The following EML4 variants were observed in gnomAD, a reference collection of about 807,000 sequenced individuals.
EML4 encodes EMAP like 4, also known as echinoderm microtubule-associated protein-like 4.
EML4 carries 72 observed loss-of-function variants against 129.0 expected under a neutral mutation model. That is an observed-to-expected ratio of 0.56 (90% CI 0.46 to 0.68). The LOEUF (loss-of-function observed/expected upper bound fraction) is 0.68, where lower values mean the gene tolerates loss of function less well. EML4 is among the 30% of genes least tolerant of loss of function. The probability of loss-of-function intolerance (pLI) is 0.00; values close to 1 mark genes in which losing one functional copy is unlikely to be tolerated. For missense variants in EML4, 1,363 were observed against 1,190.6 expected (o/e 1.14, Z -2.13); for synonymous variants, 532 against 405.0 (o/e 1.31, Z -3.77).
intron 1 of EML4, among the ~76,000 whole-genome samples, chr2:42,188,106 T>C (rs1356174485): frequency 6.6e-6 from 1 of 152,222 alleles, no homozygotes; most frequent in African/African-American, 2.4e-5. Flanking sequence ...TCCATTGAAT[T>C]ACCTTGGCAC....
rs1413496602 is a variant in EML4 at position 42,239,177 on chromosome 2, A to G, written c.26-6328A>G. Among the ~76,000 whole-genome samples the G allele has an allele frequency of 5.9e-5, 9 of 152,232 alleles. 1 individual carries two copies. Among genetic ancestry groups the G allele is most frequent in the Non-Finnish European group, 1.3e-4 (9 of 68,046 alleles). On this transcript the variant is annotated intron_variant, in intron 1 of 22. Transcript: ENST00000318522. ...TGAGTCACCAAGAAGTGGTTACATT[A>G]TGATGGTGTGCCCCCACTAAGAAAA... is the stretch of plus-strand genomic sequence containing the variant.
At chr2:42,236,634 GA>G (rs1674690714) in intron 1 of EML4, among the ~76,000 whole-genome samples, 1 of 152,166 alleles carries the variant, frequency 6.6e-6, no homozygotes, top group South Asian at 2.1e-4. Context: ...CCCCTTTACA[GA>G]AAAGTTTGTT....
intron 16 of EML4, among the ~76,000 whole-genome samples, chr2:42,304,261 G>A (rs1014459681): frequency 2.0e-5 from 3 of 152,050 alleles, no homozygotes; most frequent in Non-Finnish European, 4.4e-5. Flanking sequence ...CCACTCCCTA[G>A]CCACAAGCTG....
intron 6 of EML4, among the ~76,000 whole-genome samples, chr2:42,272,094 A>C (rs996125906): frequency 2.6e-5 from 4 of 151,962 alleles, no homozygotes; most frequent in African/African-American, 4.8e-5. Flanking sequence ...AAAAAAAAAA[A>C]AACCCTGTCC....
Position 42,235,716 on chromosome 2 carries a change from G to A in EML4, c.26-9789G>A, listed in dbSNP as rs555056053. Among the ~76,000 whole-genome samples the A allele has an allele frequency of 2.6e-5, 4 of 151,836 alleles. No homozygotes were observed. In the East Asian group the frequency reaches 5.8e-4, roughly 22 times the overall value. On this transcript the variant is annotated intron_variant, in intron 1 of 22. Coordinates refer to ENST00000318522, the MANE Select transcript of EML4 (RefSeq NM_019063.5). ...TATCATGTAACTTTTTGAAATGAAG[G>A]ACTGTTTTTTTCCTTAGGTTTGTAG...
At chr2:42,172,436 T>G (rs544867194) in intron 1 of EML4, among the ~76,000 whole-genome samples, 12 of 152,332 alleles carry the variant, frequency 7.9e-5, no homozygotes, top group African/African-American at 2.6e-4. Context: ...GATAAGTGAT[T>G]GGCCATTTTA....
At chr2:42,283,635 T>C (rs1357172653) in intron 8 of EML4, among the ~76,000 whole-genome samples, 2 of 152,156 alleles carry the variant, frequency 1.3e-5, no homozygotes, top group Non-Finnish European at 2.9e-5. Context: ...TGTATCTTTA[T>C]CCAGAAAAAA....
intron 1 of EML4, among the ~76,000 whole-genome samples, chr2:42,201,105 G>A (rs964407561): frequency 6.6e-6 from 1 of 152,276 alleles, no homozygotes; most frequent in East Asian, 1.9e-4. Flanking sequence ...AATTTCTGAA[G>A]ATTTTGTCAA....
At chr2:42,241,104 G>A (rs920264705) in intron 1 of EML4, among the ~76,000 whole-genome samples, 1 of 152,066 alleles carries the variant, frequency 6.6e-6, no homozygotes, top group Admixed American at 6.5e-5. Flanking sequence ...GGAGGTTGCA[G>A]TGAGATTGCA....
chr2:42,311,658 G>T (rs951926414), intron 17 of EML4, among the ~76,000 whole-genome samples: 1 of 152,184 alleles, frequency 6.6e-6, no homozygotes, highest in African/African-American at 2.4e-5. Flanking sequence ...TGGTGTGTCA[G>T]TTCAGTCTGA....
intron 1 of EML4, among the ~76,000 whole-genome samples, chr2:42,197,040 A>G (rs1448126033): frequency 6.6e-6 from 1 of 152,162 alleles, no homozygotes; most frequent in African/African-American, 2.4e-5. Context: ...CTAGGAATCA[A>G]AGTAAATGTT....
chr2:42,174,533 G>A (rs1334185071), intron 1 of EML4, among the ~76,000 whole-genome samples: 8 of 151,954 alleles, frequency 5.3e-5, no homozygotes, highest in Admixed American at 5.2e-4. Context: ...TCGGGTGATG[G>A]CCACGCACCT....
intron 13 of EML4, among the ~76,000 whole-genome samples, chr2:42,299,250 C>T (rs1668136895): frequency 6.6e-6 from 1 of 152,172 alleles, no homozygotes; most frequent in African/African-American, 2.4e-5. Context: ...ATTTGTACCA[C>T]TAGCATACTC....
chr2:42,233,501 G>A (rs901713735), intron 1 of EML4, among the ~76,000 whole-genome samples: 2 of 151,650 alleles, frequency 1.3e-5, no homozygotes, highest in African/African-American at 4.8e-5. Context: ...TAGAGACGGG[G>A]TTTCACCATG....
intron 1 of EML4, among the ~76,000 whole-genome samples, chr2:42,240,233 ATT>A (rs3038373): frequency 0.029 from 4,385 of 152,312 alleles, 92 homozygotes; most frequent in Non-Finnish European, 0.041. Flanking sequence ...GAAGCAATGC[ATT>A]TTACCTTAAA....
intron 4 of EML4, among the ~76,000 whole-genome samples, chr2:42,261,970 A>G (rs1665766088): frequency 6.6e-6 from 1 of 152,164 alleles, no homozygotes; most frequent in African/African-American, 2.4e-5. Flanking sequence ...GTACAGTGCT[A>G]CAGCTGCCTC....
chr2:42,234,473 C>G (rs1245526597), intron 1 of EML4, among the ~76,000 whole-genome samples: 2 of 152,152 alleles, frequency 1.3e-5, no homozygotes, highest in Non-Finnish European at 2.9e-5. Flanking sequence ...TAAACTATCT[C>G]TCCATTCCTG....
intron 1 of EML4, among the ~76,000 whole-genome samples, chr2:42,245,085 A>ATTTCTT (rs1558535322): frequency 2.4e-5 from 1 of 42,148 alleles, no homozygotes; most frequent in Non-Finnish European, 4.3e-5. Context: ...TTGTTTTGAA[A>ATTTCTT]TTTTCTTTCT....
intron 1 of EML4, among the ~76,000 whole-genome samples, chr2:42,189,458 C>G (rs1671455636): frequency 6.6e-6 from 1 of 152,178 alleles, no homozygotes; most frequent in Non-Finnish European, 1.5e-5. Flanking sequence ...TGCATATCTG[C>G]AGTCCCTGTT....
Sources: gnomAD v4.1 joint callset for allele counts (sites outside exome capture counted in the v4.1 genomes callset) on GRCh38, gnomAD v4.1.1 for gene constraint, MANE v1.5 for transcripts, NCBI Gene and HGNC (gene_info 2026-07-23, HGNC 2026-07-21) for gene names.